The following ZNF521 variants were observed in gnomAD, a reference collection of about 807,000 sequenced individuals.
ZNF521 encodes the protein LYST-interacting protein 3.
In ZNF521, 14 loss-of-function variants were observed where a neutral mutation model predicts 105.5. That is an observed-to-expected ratio of 0.13 (90% confidence interval 0.09 to 0.21). ZNF521 has a LOEUF of 0.21. ZNF521 is among the 10% of genes least tolerant of loss of function. The pLI is 1.00. For missense variants in ZNF521, 1,233 were observed against 1,629.7 expected, an observed-to-expected ratio of 0.76 and a Z score of 4.19; for synonymous variants, 635 against 606.0, an observed-to-expected ratio of 1.05 and a Z score of -0.70.
intron 5 of ZNF521, among the ~76,000 whole-genome samples, chr18:25,178,561 C>T (rs1259589983): frequency 6.6e-6 from 1 of 152,180 alleles, no homozygotes; most frequent in Non-Finnish European, 1.5e-5. Flanking sequence ...ACTTTGTTGC[C>T]TATTTCCCAC....
chr18:25,064,330 C>A (rs2144095319), intron 7 of ZNF521, among the ~76,000 whole-genome samples: 1 of 152,280 alleles, frequency 6.6e-6, no homozygotes, highest in Non-Finnish European at 1.5e-5. Flanking sequence ...CAAGTGGATC[C>A]AGCATACTGA....
chr18:25,305,408 C>A (rs1911923521), intron 3 of ZNF521, among the ~76,000 whole-genome samples: 1 of 152,158 alleles, frequency 6.6e-6, no homozygotes, highest in African/African-American at 2.4e-5. Flanking sequence ...GATATCCATT[C>A]ATGACTATCT....
chr18:25,062,416 C>T lies in ZNF521; in HGVS notation c.*296G>A. The T allele has an allele frequency of 2.8e-6, 1 of 355,622 alleles. No individual in the cohort carries two copies. The highest frequency in any genetic ancestry group is 4.9e-6 in the Non-Finnish European group (1 of 202,884). 22.0% of individuals were successfully genotyped at this position (355,622 alleles called of 1,614,324 possible). A position where few individuals can be genotyped will look rare whatever the true frequency, so the allele number is the denominator to read the frequency against. ...ATACTTTATCTTAAGCCATTTTGGT[C>T]ATAGTCTTTTTTTTTTTTTAATCTT... On this transcript the variant is annotated 3_prime_UTR_variant, in exon 8 of 8. Transcript: ENST00000361524.
At chr18:25,119,582 G>A (rs943588903) in intron 5 of ZNF521, among the ~76,000 whole-genome samples, 1 of 151,488 alleles carries the variant, frequency 6.6e-6, no homozygotes, top group African/African-American at 2.4e-5. Context: ...ATAATCCATG[G>A]GTCCAAAAAG....
intron 3 of ZNF521, among the ~76,000 whole-genome samples, chr18:25,268,862 T>C (rs1052913345): frequency 1.3e-5 from 2 of 151,922 alleles, no homozygotes; most frequent in African/African-American, 4.8e-5. Context: ...TATGAAGAAA[T>C]TGCATCAATT....
chr18:25,107,628 A>G (rs2034099523), intron 5 of ZNF521, among the ~76,000 whole-genome samples: 1 of 152,206 alleles, frequency 6.6e-6, no homozygotes. Context: ...CTGTGAATGC[A>G]CAACCTGAGT....
rs1909802141 is a variant in ZNF521, at chr18:25,273,262, ATATCTGC to A, written c.221-45572_221-45566del. Among the ~76,000 whole-genome samples, 3 of 149,208 alleles carry A rather than the reference ATATCTGC, an allele frequency of 2.0e-5. No homozygotes were observed. The Admixed American group carries it at 2.0e-4, about 10-fold the overall frequency. On this transcript the variant is annotated intron_variant, in intron 3 of 7. Coordinates refer to ENST00000361524, the MANE Select transcript of ZNF521 (RefSeq NM_015461.3). The stretch of plus-strand genomic sequence containing the variant: ...AAAAAAAAAAAAAAAGACATTTTAA[ATATCTGC>A]AACATTTACTTTTAAAAGATGAAGG...
chr18:25,347,546 G>A (rs192342422), intron 2 of ZNF521, among the ~76,000 whole-genome samples: 88 of 152,280 alleles, frequency 5.8e-4, no homozygotes, highest in Non-Finnish European at 1.1e-3. Context: ...ACCAGGACCT[G>A]CTCCACTGAA....
intron 3 of ZNF521, among the ~76,000 whole-genome samples, chr18:25,262,315 A>C (rs1159010517): frequency 6.6e-6 from 1 of 152,212 alleles, no homozygotes; most frequent in African/African-American, 2.4e-5. Flanking sequence ...TTTTACATTC[A>C]CATGGTATAG....
intron 5 of ZNF521, among the ~76,000 whole-genome samples, chr18:25,147,586 A>C (rs971404818): frequency 1.1e-4 from 16 of 152,166 alleles, no homozygotes; most frequent in African/African-American, 3.4e-4. Flanking sequence ...TTCCAGACCA[A>C]TTTATTTAAT....
At chr18:25,298,997 G>T (rs2145060219) in intron 3 of ZNF521, among the ~76,000 whole-genome samples, 1 of 152,286 alleles carries the variant, frequency 6.6e-6, no homozygotes, top group Admixed American at 6.5e-5. Flanking sequence ...CGGACATCCT[G>T]GGCGCAGTAG....
chr18:25,099,144 A>T (rs947654559), intron 5 of ZNF521, among the ~76,000 whole-genome samples: 1 of 152,188 alleles, frequency 6.6e-6, no homozygotes, highest in African/African-American at 2.4e-5. Context: ...TACACGAAGT[A>T]CCTAGAACAG....
Position 25,333,222 on chromosome 18 carries a change from GATAA to G in ZNF521, c.41-11039_41-11036del, listed in dbSNP as rs542612328. Among the ~76,000 whole-genome samples the G allele has an allele frequency of 3.5e-3, 524 of 151,188 alleles. 3 individuals are homozygous for G. The highest frequency in any genetic ancestry group is 0.012 in the African/African-American group (482 of 41,282). ...CAATCACACATAGGAGGAAATGGCTGATAAATAAACACCTATATTTATTTGTTTT... is the reference window on the plus strand; with the variant it reads ...CAATCACACATAGGAGGAAATGGCTGATAAACACCTATATTTATTTGTTTT... On this transcript the variant is annotated intron_variant, in intron 2 of 7. Transcript: ENST00000361524.
chr18:25,137,345 G>A (rs544943426), intron 5 of ZNF521, among the ~76,000 whole-genome samples: 270 of 152,200 alleles, frequency 1.8e-3, no homozygotes, highest in Admixed American at 4.5e-3. Context: ...GTATCACCTC[G>A]GGCAAAGGTT....
chr18:25,123,160 A>G (rs1283891493), intron 5 of ZNF521, among the ~76,000 whole-genome samples: 1 of 151,646 alleles, frequency 6.6e-6, no homozygotes, highest in Non-Finnish European at 1.5e-5. Flanking sequence ...GTCATTTGTA[A>G]GTACAGATAA....
rs150321776 is a variant in ZNF521 at position 25,132,003 on chromosome 18, T to G, written c.3659-39922A>C. Among the ~76,000 whole-genome samples, 1,034 of 152,262 alleles carry G rather than the reference T, an allele frequency of 6.8e-3. 16 individuals carry two copies. The highest frequency in any genetic ancestry group is 0.024 in the African/African-American group (992 of 41,546). ...GCAGAAGCTAGAAAGAAAGGATTTT[T>G]TAAAAGTTACACATACTTATTTGCC... On this transcript the variant is annotated intron_variant, in intron 5 of 7. Transcript: ENST00000361524.
At chr18:25,235,492 A>G (rs1906826673) in intron 3 of ZNF521, among the ~76,000 whole-genome samples, 1 of 152,224 alleles carries the variant, frequency 6.6e-6, no homozygotes, top group Non-Finnish European at 1.5e-5. Flanking sequence ...TTTTGGAAGA[A>G]CTGCCATAAA....
intron 7 of ZNF521, among the ~76,000 whole-genome samples, chr18:25,068,028 G>A (rs1415124386): frequency 6.6e-6 from 1 of 152,082 alleles, no homozygotes; most frequent in East Asian, 1.9e-4. Flanking sequence ...GAGCCAGCAC[G>A]CTATTTTAAA....
chr18:25,339,502 A>G (rs1187323686), intron 2 of ZNF521, among the ~76,000 whole-genome samples: 5 of 152,228 alleles, frequency 3.3e-5, no homozygotes, highest in Non-Finnish European at 7.3e-5. Context: ...TGTTTATTTA[A>G]TATGTTTCCA....
Sources: allele counts gnomAD v4.1 joint callset (sites outside exome capture counted in the v4.1 genomes callset), GRCh38; gene constraint gnomAD v4.1.1; transcripts MANE v1.5; gene names NCBI Gene and HGNC (gene_info 2026-07-23, HGNC 2026-07-21).